The following PLPP3 variants were observed in gnomAD, a reference collection of about 807,000 sequenced individuals.
PLPP3 encodes the protein phospholipid phosphatase 3, also known as PAP2 beta.
In PLPP3, 6 loss-of-function variants were observed where a neutral mutation model predicts 29.6. The ratio of observed to expected loss-of-function variants is 0.20; its 90% CI spans 0.11 to 0.40. The LOEUF is 0.40. Ranked by LOEUF, PLPP3 falls within the 10% of genes least tolerant of loss-of-function variation. The probability of loss-of-function intolerance (pLI) is 1.00; values close to 1 mark genes in which losing one functional copy is unlikely to be tolerated. For synonymous variants in PLPP3, 152 were observed against 159.7 expected, an observed-to-expected ratio of 0.95 and a Z score of 0.36; for missense variants, 308 against 407.7, an observed-to-expected ratio of 0.76 and a Z score of 2.11.
At chr1:56,508,793 C>A (rs1476477107) in intron 5 of PLPP3, among the ~76,000 whole-genome samples, 1 of 152,132 alleles carries the variant, frequency 6.6e-6, no homozygotes, top group Non-Finnish European at 1.5e-5. Flanking sequence ...CTCTCCCAGG[C>A]ACCTGGTGCC....
In PLPP3 at chr1:56,496,181, T is replaced by C. The variant is rs1376167701; in HGVS notation, c.*370A>G. The C allele has an allele frequency of 5.4e-6, 1 of 185,046 alleles. No individual in the cohort carries two copies. Among genetic ancestry groups the C allele is most frequent in the Admixed American group, 5.5e-5 (1 of 18,200 alleles). 11.5% of individuals were successfully genotyped at this position (185,046 alleles called of 1,614,324 possible). A position where few individuals can be genotyped will look rare whatever the true frequency, so the allele number is the denominator to read the frequency against. Reference sequence around the variant, plus strand: ...TGATTCAGTGCTATTTCTGGCATCATGTGCTGCAATGTGAATTTTTGCTTT... The same window carrying C: ...TGATTCAGTGCTATTTCTGGCATCACGTGCTGCAATGTGAATTTTTGCTTT... On this transcript the variant is annotated 3_prime_UTR_variant, in exon 6 of 6. Coordinates refer to ENST00000371250, the MANE Select transcript of PLPP3 (RefSeq NM_003713.5).
intron 1 of PLPP3, among the ~76,000 whole-genome samples, chr1:56,543,831 T>C (rs529545718): frequency 1.3e-5 from 2 of 152,254 alleles, no homozygotes; most frequent in East Asian, 3.9e-4. Context: ...TCAGGCCCTT[T>C]CTCCACAAAA....
At chr1:56,545,733 G>C (rs1373565019) in intron 1 of PLPP3, among the ~76,000 whole-genome samples, 1 of 152,140 alleles carries the variant, frequency 6.6e-6, no homozygotes, top group Non-Finnish European at 1.5e-5. Flanking sequence ...GTCAGCATGT[G>C]CACTCCCATC....
intron 1 of PLPP3, among the ~76,000 whole-genome samples, chr1:56,567,448 A>T (rs1352649862): frequency 8.2e-6 from 1 of 121,898 alleles, no homozygotes; most frequent in Non-Finnish European, 1.6e-5. Flanking sequence ...CCCAGGCTGG[A>T]GTGCAGTGGC....
intron 2 of PLPP3, among the ~76,000 whole-genome samples, chr1:56,528,700 T>A (rs1465632434): frequency 6.6e-6 from 1 of 151,800 alleles, no homozygotes; most frequent in African/African-American, 2.4e-5. Context: ...ATAAAAAACA[T>A]GTTTTGTAGA....
chr1:56,509,645 G>A (rs781156092), intron 5 of PLPP3, among the ~76,000 whole-genome samples: 90 of 151,982 alleles, frequency 5.9e-4, no homozygotes, highest in Non-Finnish European at 1.0e-3. Flanking sequence ...TTCAAGACCA[G>A]CCTGGCCAAC....
At position 56,496,524 on chromosome 1, in the gene PLPP3, A is replaced by C. The variant is rs750179615; in HGVS notation, c.*27T>G. On this transcript the variant is annotated 3_prime_UTR_variant, in exon 6 of 6. Transcript: ENST00000371250. ...AACTTGCTGTCAGCAGTCATTTTAC[A>C]AAAACAGCTCAGGAGGTGGGTGGCA... The C allele has an allele frequency of 6.2e-7, 1 of 1,611,924 alleles. No individual in the cohort carries two copies.
intron 1 of PLPP3, among the ~76,000 whole-genome samples, chr1:56,540,402 C>T (rs1645960296): frequency 6.6e-6 from 1 of 151,730 alleles, no homozygotes; most frequent in Non-Finnish European, 1.5e-5. Context: ...GCATAGAGTC[C>T]GGGACACACT....
In PLPP3 at chr1:56,558,416, C is replaced by T. The variant is rs529924401; in HGVS notation, c.139+20462G>A. On this transcript the variant is annotated intron_variant, in intron 1 of 5. Transcript: ENST00000371250. ...GTGCAGCTGCCATATGATTCTCTGG[C>T]AGGACTCCAAGGTAACTTTTCAAAG... 4.7e-4 allele frequency among the ~76,000 whole-genome samples: 71 copies of T among 152,310 alleles called. 2 individuals carry two copies. The South Asian group carries it at 9.7e-3, about 21-fold the overall frequency.
At chr1:56,577,899 G>A (rs111513408) in intron 1 of PLPP3, among the ~76,000 whole-genome samples, 4,269 of 151,242 alleles carry the variant, frequency 0.028, 79 homozygotes, top group Non-Finnish European at 0.044. Flanking sequence ...AGTACTGTGC[G>A]TTTTCCATTA....
At chr1:56,568,062 T>C (rs111691701) in intron 1 of PLPP3, among the ~76,000 whole-genome samples, 1 of 152,332 alleles carries the variant, frequency 6.6e-6, no homozygotes, top group African/African-American at 2.4e-5. Flanking sequence ...TATATGATTA[T>C]ACTTACATGA....
intron 4 of PLPP3, among the ~76,000 whole-genome samples, chr1:56,518,505 G>A (rs908058226): frequency 2.6e-5 from 4 of 152,084 alleles, no homozygotes; most frequent in East Asian, 1.9e-4. Context: ...TATCAAGTCC[G>A]TGATGAGGAG....
chr1:56,547,345 C>T (rs1280572440), intron 1 of PLPP3, among the ~76,000 whole-genome samples: 1 of 152,118 alleles, frequency 6.6e-6, no homozygotes, highest in East Asian at 1.9e-4. Context: ...GAAGACCTGG[C>T]CCCCTACCAA....
chr1:56,495,367 T>C lies in PLPP3; in HGVS notation c.*1184A>G, dbSNP rs1472061249. 6.6e-6 allele frequency: 1 copy of C among 152,588 alleles called. No individual in the cohort carries two copies. The highest frequency in any genetic ancestry group is 2.4e-5 in the African/African-American group (1 of 41,426). The allele number at this position is 152,588 out of a possible 1,614,324, so 9.5% of individuals were successfully genotyped here. A position where few individuals can be genotyped will look rare whatever the true frequency, so the allele number is the denominator to read the frequency against. On this transcript the variant is annotated 3_prime_UTR_variant, in exon 6 of 6. Coordinates refer to ENST00000371250, the MANE Select transcript of PLPP3 (RefSeq NM_003713.5). ...CCTTGCATGGAAGGACACTTACGGA[T>C]AGAGGATGAGGGAAACTCTCTACCG...
intron 1 of PLPP3, among the ~76,000 whole-genome samples, chr1:56,557,876 C>T (rs998238996): frequency 3.9e-5 from 6 of 152,188 alleles, no homozygotes; most frequent in Admixed American, 3.9e-4. Flanking sequence ...GGCGCTTTTC[C>T]AACCCCATAT....
chr1:56,568,030 C>A (rs753473681), intron 1 of PLPP3, among the ~76,000 whole-genome samples: 2 of 152,074 alleles, frequency 1.3e-5, no homozygotes, highest in South Asian at 4.1e-4. Context: ...GTGGAAGAAG[C>A]CAGTCACGAA....
chr1:56,577,834 A>C (rs1646246271), intron 1 of PLPP3, among the ~76,000 whole-genome samples: 1 of 152,026 alleles, frequency 6.6e-6, no homozygotes, highest in African/African-American at 2.4e-5. Flanking sequence ...GAGGCCCATG[A>C]GGCAGTTAAG....
At chr1:56,497,474 CA>C (rs1318746557) in intron 5 of PLPP3, among the ~76,000 whole-genome samples, 1 of 152,116 alleles carries the variant, frequency 6.6e-6, no homozygotes, top group Non-Finnish European at 1.5e-5. Flanking sequence ...TATTAGATGG[CA>C]AAATAAACAC....
intron 1 of PLPP3, among the ~76,000 whole-genome samples, chr1:56,554,752 T>A (rs774098742): frequency 2.0e-5 from 3 of 152,252 alleles, no homozygotes; most frequent in South Asian, 2.1e-4. Flanking sequence ...GGAAACAGCC[T>A]ATGTAGAGTT....
Sources: allele counts gnomAD v4.1 joint callset (sites outside exome capture counted in the v4.1 genomes callset), GRCh38; gene constraint gnomAD v4.1.1; transcripts MANE v1.5; gene names NCBI Gene and HGNC (gene_info 2026-07-23, HGNC 2026-07-21).